Variants in OR12D2 observed in about 807,000 individuals in gnomAD.
The protein encoded by OR12D2 is olfactory receptor 12D2.
For missense variants in OR12D2, 345 were observed against 371.6 expected, an observed-to-expected ratio of 0.93 and a Z score of 0.59; for synonymous variants, 146 against 142.3, an observed-to-expected ratio of 1.03 and a Z score of -0.19.
chr6:29,397,743 A>G lies in OR12D2; in HGVS notation c.*120A>G, dbSNP rs1372666464. On this transcript the variant is annotated 3_prime_UTR_variant, in exon 2 of 2. Transcript: ENST00000642051. ...TGTAAAATAGAGGCAACTGGATAAAAGAAAAAAAAGTCCAATCTAGTTGTA... is the reference window on the plus strand; with the variant it reads ...TGTAAAATAGAGGCAACTGGATAAAGGAAAAAAAAGTCCAATCTAGTTGTA... The G allele has an allele frequency of 2.5e-6, 2 of 791,086 alleles. No individual in the cohort carries two copies. Among genetic ancestry groups the G allele is most frequent in the Non-Finnish European group, 3.9e-6 (2 of 518,052 alleles). 49.0% of individuals were successfully genotyped at this position (791,086 alleles called of 1,614,324 possible). A position where few individuals can be genotyped will look rare whatever the true frequency, so the allele number is the denominator to read the frequency against.
In OR12D2 at chr6:29,396,979, G is replaced by C. The variant is rs752223948; in HGVS notation, c.280G>C (p.Gly94Arg). 2 of 1,613,038 alleles carry C rather than the reference G, an allele frequency of 1.2e-6. No homozygotes were observed. Among genetic ancestry groups the C allele is most frequent in the Non-Finnish European group, 1.7e-6 (2 of 1,180,010 alleles). ...LSTHKAISFL[G>R]CISQLHFFHS... The stretch of plus-strand genomic sequence containing the variant: ...TACACACAAAGCAATTTCTTTCTTG[G>C]GATGCATAAGCCAGCTTCATTTCTT... The change falls in exon 2 of 2, where the codon GGA becomes CGA. Residue 94 changes from glycine to arginine, a missense_variant. Coordinates refer to ENST00000642051, the MANE Select transcript of OR12D2 (RefSeq NM_013936.4).
Position 29,397,606 on chromosome 6 carries a change from G to C in OR12D2, c.907G>C (p.Val303Leu). 6.2e-7 allele frequency: 1 copy of C among 1,611,638 alleles called. No individual in the cohort carries two copies. Among genetic ancestry groups the C allele is most frequent in the Non-Finnish European group, 8.5e-7 (1 of 1,179,382 alleles). ...GGAAGTGAAGGGGGCCTTGGGTAGA[G>C]TGATCAGAAGGCTTTGATTTGAATA... is the stretch of plus-strand genomic sequence containing the variant. ...NKEVKGALGR[V>L]IRRL is the part of the protein sequence containing the mutation. The change falls in exon 2 of 2, where the codon GTG (valine) becomes CTG (leucine). Residue 303 changes from valine (V) to leucine (L), a missense_variant. Physicochemically the swap from Val to Leu is conservative, Grantham distance 32 (BLOSUM62 1). Transcript: ENST00000642051.
Position 29,397,537 on chromosome 6 carries a change from G to A in OR12D2, c.838G>A (p.Val280Ile), listed in dbSNP as rs765125007. Reference protein sequence around the residue: ...DRIVAIMYTVVTPVLNPLIYT... With the variant: ...DRIVAIMYTVITPVLNPLIYT... ...GATTGTTGCCATCATGTACACTGTGGTCACTCCTGTACTAAACCCACTGAT... is the reference window on the plus strand; with the variant it reads ...GATTGTTGCCATCATGTACACTGTGATCACTCCTGTACTAAACCCACTGAT... The change falls in exon 2 of 2, where the codon GTC becomes ATC. Residue 280 changes from valine (V) to isoleucine (I), a missense_variant. Physicochemically the swap from Val to Ile is conservative, Grantham distance 29. Transcript: ENST00000642051. The A allele has an allele frequency of 3.7e-6, 6 of 1,612,832 alleles. No homozygotes were observed. In the Admixed American group the frequency reaches 8.3e-5, roughly 22 times the overall value.
chr6:29,397,681 G>A lies in OR12D2; in HGVS notation c.*58G>A, dbSNP rs73403344. The A allele has an allele frequency of 0.012, 17,332 of 1,446,198 alleles. 353 individuals carry two copies. The highest frequency in any genetic ancestry group is 0.085 in the African/African-American group (6,025 of 70,554). 89.6% of individuals were successfully genotyped at this position (1,446,198 alleles called of 1,614,324 possible). ...AAATAACCAGCAATGAAAAAGTAGAGATGTGTAATTTTACTGCTTCTCAGA... is the reference window on the plus strand; with the variant it reads ...AAATAACCAGCAATGAAAAAGTAGAAATGTGTAATTTTACTGCTTCTCAGA... On this transcript the variant is annotated 3_prime_UTR_variant, in exon 2 of 2. Transcript: ENST00000642051.
At position 29,396,682 on chromosome 6, in the gene OR12D2, T is replaced by C; in HGVS notation, c.-2-16T>C. The C allele has an allele frequency of 6.3e-7, 1 of 1,594,350 alleles. No homozygotes were observed. Among genetic ancestry groups the C allele is most frequent in the Non-Finnish European group, 8.6e-7 (1 of 1,168,298 alleles). On this transcript the variant is annotated splice_polypyrimidine_tract_variant and intron_variant, in intron 1 of 1. Coordinates refer to ENST00000642051, the MANE Select transcript of OR12D2 (RefSeq NM_013936.4). ...GCGATTAGTGTTCCATAGATTATTT[T>C]GTCTTTTGTCTGAAGTGATGCTGAA...
rs767068522 is a variant in OR12D2, at chr6:29,397,649, G to A, written c.*26G>A. 2 of 1,561,990 alleles carry A rather than the reference G, an allele frequency of 1.3e-6. No homozygotes were observed. The highest frequency in any genetic ancestry group is 4.5e-5 in the East Asian group (2 of 44,448). ...TTTGAATAAACCAGAGAACTCTACTGAGGCATAAATAACCAGCAATGAAAA... is the reference window on the plus strand; with the variant it reads ...TTTGAATAAACCAGAGAACTCTACTAAGGCATAAATAACCAGCAATGAAAA... On this transcript the variant is annotated 3_prime_UTR_variant, in exon 2 of 2. Coordinates refer to ENST00000642051, the MANE Select transcript of OR12D2 (RefSeq NM_013936.4).
chr6:29,397,455 A>C lies in OR12D2; in HGVS notation c.756A>C (p.Ala252=). The C allele has an allele frequency of 6.2e-7, 1 of 1,612,942 alleles. No individual in the cohort carries two copies. Among genetic ancestry groups the C allele is most frequent in the Non-Finnish European group, 8.5e-7 (1 of 1,180,018 alleles). ...TCATGGTAGTTATTCTTTTCTATGC[A>C]CCTGTTCTTTTCACCTATATCCATC... ...SHFMVVILFY[A]PVLFTYIHPA... Residue 252 remains alanine (A), a synonymous_variant, in exon 2 of 2, where the codon GCA becomes GCC. Coordinates refer to ENST00000642051, the MANE Select transcript of OR12D2 (RefSeq NM_013936.4).
rs1361820848 is a variant in OR12D2, at chr6:29,397,884, G to A, written c.*261G>A. ...TCAGTTGATGTAATTGACTTATTAT[G>A]TATTCTAACATGTACTTGTATGCAA... On this transcript the variant is annotated 3_prime_UTR_variant, in exon 2 of 2. Transcript: ENST00000642051. The A allele has an allele frequency of 8.4e-6, 4 of 475,398 alleles. No homozygotes were observed. The highest frequency in any genetic ancestry group is 3.8e-5 in the Admixed American group (1 of 26,640). 29.4% of individuals were successfully genotyped at this position (475,398 alleles called of 1,614,324 possible).
chr6:29,396,802 A>G lies in OR12D2; in HGVS notation c.103A>G (p.Ile35Val). The G allele has an allele frequency of 3.1e-6, 5 of 1,612,930 alleles. No homozygotes were observed. The highest frequency in any genetic ancestry group is 4.2e-6 in the Non-Finnish European group (5 of 1,179,908). Residue 35 changes from isoleucine to valine, a missense_variant, in exon 2 of 2, where the codon ATC becomes GTC. Transcript: ENST00000642051. ...CGTGGTTTTCCTCACCATCTACTTC[A>G]TCAGTGTGACTGGGAATGGAGCCGT... ...LFVVFLTIYFISVTGNGAVLM... is the reference protein window; with the variant it reads ...LFVVFLTIYFVSVTGNGAVLM...
At position 29,397,272 on chromosome 6, in the gene OR12D2, G is replaced by A; in HGVS notation, c.573G>A (p.Glu191=). The stretch of plus-strand genomic sequence containing the variant: ...TAAAGCTGGCCTGTGGGAACACTGA[G>A]CTTAATCAGTGGCTACTCAGTACTG... ...PLLKLACGNT[E]LNQWLLSTVT... The change falls in exon 2 of 2, where the codon GAG becomes GAA. Residue 191 remains glutamate, a synonymous_variant. Coordinates refer to ENST00000642051, the MANE Select transcript of OR12D2 (RefSeq NM_013936.4). 1 of 1,612,934 alleles carries A rather than the reference G, an allele frequency of 6.2e-7. No individual in the cohort carries two copies. The highest frequency in any genetic ancestry group is 8.5e-7 in the Non-Finnish European group (1 of 1,179,922).
chr6:29,396,358 T>C (rs3128852), intron 1 of OR12D2, among the ~76,000 whole-genome samples: 129,950 of 151,964 alleles, frequency 0.86, 55,815 homozygotes, highest in Non-Finnish European at 0.89. Flanking sequence ...CCCCTATTAA[T>C]GCTGACTTGG....
At position 29,397,119 on chromosome 6, in the gene OR12D2, C is replaced by A. The variant is rs766327077; in HGVS notation, c.420C>A (p.Thr140=). The part of the protein sequence containing the change: ...YTVIMNPQLC[T]QMAITIWVIG... ...TCATCATGAACCCTCAGCTCTGTACCCAGATGGCCATCACAATCTGGGTCA... is the reference window on the plus strand; with the variant it reads ...TCATCATGAACCCTCAGCTCTGTACACAGATGGCCATCACAATCTGGGTCA... The change falls in exon 2 of 2, where the codon ACC becomes ACA. Residue 140 remains threonine, a synonymous_variant. Transcript: ENST00000642051. 5.6e-5 allele frequency: 90 copies of A among 1,613,136 alleles called. 1 individual carries two copies. In the South Asian group the frequency reaches 9.8e-4, roughly 18 times the overall value.
rs2073154 is a variant in OR12D2, at chr6:29,397,038, C to T, written c.339C>T (p.Phe113=). ...HSLGSTESML[F]AVMAFDLSVA... ...TGGGCAGCACGGAGTCCATGTTGTT[C>T]GCCGTGATGGCATTTGACCTCTCTG... The change falls in exon 2 of 2, where the codon TTC becomes TTT. Residue 113 remains phenylalanine (F), a synonymous_variant. Transcript: ENST00000642051. 2 of 1,612,932 alleles carry T rather than the reference C, an allele frequency of 1.2e-6. No individual in the cohort carries two copies.
chr6:29,396,607 C>T, intron 1 of OR12D2, 91 bp from the exon 2 acceptor site: 1 of 1,022,072 alleles, frequency 9.8e-7, no homozygotes, highest in Non-Finnish European at 1.5e-6. Context: ...ACTCTCCTTC[C>T]AAGTATCTTT....
In OR12D2 at chr6:29,397,323, C is replaced by G. The variant is rs1562969530; in HGVS notation, c.624C>G (p.Pro208=). Residue 208 remains proline, a synonymous_variant, in exon 2 of 2, where the codon CCC becomes CCG. Transcript: ENST00000642051. ...TCACGGGGACAATTGCCATGGGCCC[C>G]TTCTTTCTGACACTTCTCTCCTATT... The part of the protein sequence containing the change: ...STVTGTIAMG[P]FFLTLLSYFY... 3.7e-6 allele frequency: 6 copies of G among 1,612,978 alleles called. No homozygotes were observed. The highest frequency in any genetic ancestry group is 5.1e-6 in the Non-Finnish European group (6 of 1,180,046).
chr6:29,396,127 C>A (rs1780503281), intron 1 of OR12D2, among the ~76,000 whole-genome samples: 1 of 35,970 alleles, frequency 2.8e-5, no homozygotes, highest in Non-Finnish European at 7.4e-5. Context: ...TTTTATCTTC[C>A]TCTCTTTTTT....
Position 29,397,513 on chromosome 6 carries a change from A to T in OR12D2, c.814A>T (p.Ile272Phe). The change falls in exon 2 of 2, where the codon ATT becomes TTT. Residue 272 changes from isoleucine (I) to phenylalanine (F), a missense_variant. By Grantham distance (21) the Ile-to-Phe change is conservative. Transcript: ENST00000642051. ...ALESFMDQDRIVAIMYTVVTP... is the reference protein window; with the variant it reads ...ALESFMDQDRFVAIMYTVVTP... ...AGAGAGCTTCATGGACCAGGACCGG[A>T]TTGTTGCCATCATGTACACTGTGGT... 3 of 1,613,014 alleles carry T rather than the reference A, an allele frequency of 1.9e-6. No individual in the cohort carries two copies. The highest frequency in any genetic ancestry group is 2.5e-6 in the Non-Finnish European group (3 of 1,179,996).
chr6:29,396,685 C>G lies in OR12D2; in HGVS notation c.-2-13C>G. On this transcript the variant is annotated splice_polypyrimidine_tract_variant and intron_variant, in intron 1 of 1. Coordinates refer to ENST00000642051, the MANE Select transcript of OR12D2 (RefSeq NM_013936.4). The stretch of plus-strand genomic sequence containing the variant: ...ATTAGTGTTCCATAGATTATTTTGT[C>G]TTTTGTCTGAAGTGATGCTGAATAC... The G allele has an allele frequency of 1.2e-6, 2 of 1,600,114 alleles. No homozygotes were observed. The highest frequency in any genetic ancestry group is 1.7e-6 in the Non-Finnish European group (2 of 1,172,986).
rs759397165 is a variant in OR12D2, at chr6:29,397,536, G to A, written c.837G>A (p.Val279=). The A allele has an allele frequency of 3.1e-6, 5 of 1,612,798 alleles. No homozygotes were observed. The South Asian group carries it at 5.5e-5, about 18-fold the overall frequency. The change falls in exon 2 of 2, where the codon GTG becomes GTA. Residue 279 remains valine (V), a synonymous_variant. Transcript: ENST00000642051. ...QDRIVAIMYT[V]VTPVLNPLIY... ...GGATTGTTGCCATCATGTACACTGT[G>A]GTCACTCCTGTACTAAACCCACTGA...
Sources: gnomAD v4.1 joint callset for allele counts (sites outside exome capture counted in the v4.1 genomes callset) on GRCh38, gnomAD v4.1.1 for gene constraint, MANE v1.5 for transcripts, NCBI Gene and HGNC (gene_info 2026-07-23, HGNC 2026-07-21) for gene names.